SH3TC1: variants seen among roughly 807,000 people sequenced by gnomAD.
SH3TC1 encodes SH3 domain and tetratricopeptide repeats 1.
Under a neutral mutation model 117.3 loss-of-function variants are expected in SH3TC1, and 135 were observed. The ratio of observed to expected loss-of-function variants is 1.15; its 90% CI spans 1.00 to 1.33. The LOEUF is 1.33. Among genes scored for constraint, SH3TC1 ranks in the 40% most tolerant of loss-of-function variants. SH3TC1 has a pLI of 0.00. For missense variants in SH3TC1, 2,092 were observed against 1,794.3 expected, an observed-to-expected ratio of 1.17 and a Z score of -3.00; for synonymous variants, 898 against 816.9, an observed-to-expected ratio of 1.10 and a Z score of -1.69.
chr4:8,237,950 G>T (rs565827602), intron 17 of SH3TC1, among the ~76,000 whole-genome samples: 1 of 152,152 alleles, frequency 6.6e-6, no homozygotes, highest in African/African-American at 2.4e-5. Flanking sequence ...AGTCAGGGGG[G>T]CCCTCCTGGA....
At chr4:8,193,204 G>A (rs7692968) in intron 1 of SH3TC1, among the ~76,000 whole-genome samples, 1,575 of 152,290 alleles carry the variant, frequency 0.01, 18 homozygotes, top group African/African-American at 0.036. Context: ...AGGCTCCTGC[G>A]CGCCTGTTTC....
At chr4:8,215,144 T>G in intron 5 of SH3TC1, 1 of 456,304 alleles carries the variant, frequency 2.2e-6, no homozygotes, top group South Asian at 1.5e-5. Context: ...GCCTTCACAC[T>G]CTGCCCTCTG....
At chr4:8,204,224 G>C (rs1434035777) in intron 1 of SH3TC1, among the ~76,000 whole-genome samples, 1 of 152,212 alleles carries the variant, frequency 6.6e-6, no homozygotes, top group Non-Finnish European at 1.5e-5. Context: ...TCCACGCACC[G>C]GAAAGTCTGT....
rs746713848 is a variant in SH3TC1 at position 8,227,794 on chromosome 4, C to T, written c.2100C>T (p.Ala700=). The T allele has an allele frequency of 1.2e-6, 2 of 1,612,766 alleles. No homozygotes were observed. Among genetic ancestry groups the T allele is most frequent in the Non-Finnish European group, 1.7e-6 (2 of 1,179,968 alleles). ...TGCTTTTGCACAGGGACTCGGGAGC[C>T]CCAGAGGCCGCGTGGCTCTCAGACT... ...RLLLLHRDSG[A]PEAAWLSDCY... Residue 700 remains alanine (A), a synonymous_variant, in exon 12 of 18, where the codon GCC becomes GCT. Transcript: ENST00000245105.
rs1380681966 is a variant in SH3TC1 at position 8,235,536 on chromosome 4, A to G, written c.3386A>G (p.Lys1129Arg). 1 of 1,603,050 alleles carries G rather than the reference A, an allele frequency of 6.2e-7. No individual in the cohort carries two copies. Among genetic ancestry groups the G allele is most frequent in the Non-Finnish European group, 8.5e-7 (1 of 1,174,264 alleles). The part of the protein sequence containing the change: ...IFFDGAWERE[K>R]AVSFYRDRAL... ...TTCGACGGGGCCTGGGAGCGGGAGA[A>G]AGCTGTGTCCTTCTACCGGGTGAGC... The change falls in exon 15 of 18, where the codon AAA becomes AGA. Residue 1129 changes from lysine (K) to arginine (R), a missense_variant. Transcript: ENST00000245105.
In SH3TC1 at chr4:8,209,885, C is replaced by T. The variant is rs985863564; in HGVS notation, c.247+63C>T. Reference sequence around the variant, plus strand: ...AATCCGGGCTGTGCCGCTCCCTGGGCATCCAAGAGTCCAACCCAGGGCTTC... The same window carrying T: ...AATCCGGGCTGTGCCGCTCCCTGGGTATCCAAGAGTCCAACCCAGGGCTTC... On this transcript the variant is annotated intron_variant, in intron 3 of 17. Coordinates refer to ENST00000245105, the MANE Select transcript of SH3TC1 (RefSeq NM_018986.5). The surrounding 1 kb of genome is among the most constrained non-coding windows in gnomAD (Gnocchi z 5.9). 4 of 1,524,570 alleles carry T rather than the reference C, an allele frequency of 2.6e-6. No individual in the cohort carries two copies. The highest frequency in any genetic ancestry group is 3.6e-6 in the Non-Finnish European group (4 of 1,113,624). 94.4% of individuals were successfully genotyped at this position (1,524,570 alleles called of 1,614,324 possible).
intron 3 of SH3TC1, among the ~76,000 whole-genome samples, chr4:8,212,090 TAGG>T (rs1372225193): frequency 6.6e-6 from 1 of 151,282 alleles, no homozygotes; most frequent in Non-Finnish European, 1.5e-5. Context: ...GGTGTGTGAG[TAGG>T]AGGTGTCATT....
chr4:8,217,105 C>T lies in SH3TC1; in HGVS notation c.777C>T (p.Pro259=). 1 of 1,613,760 alleles carries T rather than the reference C, an allele frequency of 6.2e-7. No individual in the cohort carries two copies. Among genetic ancestry groups the T allele is most frequent in the South Asian group, 1.1e-5 (1 of 91,068 alleles). ...APETDSSPPS[P]SVSSEEVAVA... is the part of the protein sequence containing the mutation. ...AAACAGACTCTTCACCGCCGAGCCC[C>T]AGCGTGTCCTCCGAGGAGGTGGCAG... Residue 259 remains proline, a synonymous_variant, in exon 7 of 18, where the codon CCC becomes CCT. Coordinates refer to ENST00000245105, the MANE Select transcript of SH3TC1 (RefSeq NM_018986.5).
intron 1 of SH3TC1, among the ~76,000 whole-genome samples, chr4:8,202,381 G>A (rs368175100): frequency 6.6e-6 from 1 of 152,226 alleles, no homozygotes; most frequent in Non-Finnish European, 1.5e-5. Flanking sequence ...TTCTGCGTCC[G>A]CAGTTCCACT....
intron 1 of SH3TC1, among the ~76,000 whole-genome samples, chr4:8,188,473 G>A (rs373291633): frequency 1.1e-4 from 17 of 152,350 alleles, no homozygotes; most frequent in Admixed American, 7.2e-4. Flanking sequence ...GGGCAGGGCC[G>A]TAAAGCAGCT....
intron 17 of SH3TC1, among the ~76,000 whole-genome samples, chr4:8,239,771 G>A (rs941797249): frequency 2.6e-5 from 4 of 152,216 alleles, no homozygotes; most frequent in Admixed American, 1.3e-4. Flanking sequence ...GCTTGCCTCT[G>A]CCACAGCCCT....
intron 15 of SH3TC1, 54 bp from the exon 16 acceptor site, chr4:8,236,224 C>G: frequency 6.7e-7 from 1 of 1,496,178 alleles, no homozygotes; most frequent in East Asian, 2.6e-5. Context: ...CTGAGGAGGG[C>G]GCTGGGCAAG....
chr4:8,234,502 T>C (rs1470730368), intron 14 of SH3TC1, among the ~76,000 whole-genome samples: 3 of 150,274 alleles, frequency 2.0e-5, no homozygotes, highest in African/African-American at 7.4e-5. Flanking sequence ...CACCCATCCA[T>C]CCATTCATCT....
intron 17 of SH3TC1, among the ~76,000 whole-genome samples, chr4:8,239,505 C>A (rs1463455274): frequency 6.6e-6 from 1 of 150,728 alleles, no homozygotes; most frequent in African/African-American, 2.4e-5. Context: ...CACGCAAATG[C>A]ACCCAGGCAC....
chr4:8,186,852 G>A lies in SH3TC1; in HGVS notation c.-57+4642G>A, dbSNP rs1427165918. Among the ~76,000 whole-genome samples, 1 of 151,450 alleles carries A rather than the reference G, an allele frequency of 6.6e-6. No individual in the cohort carries two copies. The highest frequency in any genetic ancestry group is 1.5e-5 in the Non-Finnish European group (1 of 67,952). ...CCAGCTACTCGGGAGGCTGAGGTGG[G>A]AGAATCGCTTGAACCCAGAAGGTGG... On this transcript the variant is annotated intron_variant, in intron 1 of 16. Coordinates refer to the SH3TC1 transcript ENST00000508641. This position sits in a 1 kb window ranked among gnomAD's most constrained non-coding sequence, Gnocchi z 5.2.
At chr4:8,194,648 C>G (rs1294509559), upstream of SH3TC1, among the ~76,000 whole-genome samples, 1 of 152,212 alleles carries the variant, frequency 6.6e-6, no homozygotes, top group East Asian at 1.9e-4. Context: ...AACTCTAAGA[C>G]TATCCCCTCA....
intron 1 of SH3TC1, among the ~76,000 whole-genome samples, chr4:8,189,512 G>C (rs751405575): frequency 6.6e-6 from 1 of 152,354 alleles, no homozygotes; most frequent in East Asian, 1.9e-4. Context: ...GGCATTGGGG[G>C]TGTGGGACAG....
At position 8,209,387 on chromosome 4, in the gene SH3TC1, G is replaced by A. The variant is rs534746535; in HGVS notation, c.173-361G>A. 2.0e-5 allele frequency among the ~76,000 whole-genome samples: 3 copies of A among 152,292 alleles called. No homozygotes were observed. The highest frequency in any genetic ancestry group is 1.9e-4 in the East Asian group (1 of 5,180). On this transcript the variant is annotated intron_variant, in intron 2 of 17. Transcript: ENST00000245105. The surrounding 1 kb of genome is among the most constrained non-coding windows in gnomAD (Gnocchi z 5.9). ...CGGCCACAAGCCGAGGGACGTGTGC[G>A]GCCTCTTGAAGGCGAGGAGTGGATT...
At chr4:8,233,758 T>TCATC (rs60587951) in intron 14 of SH3TC1, among the ~76,000 whole-genome samples, 139,735 of 146,256 alleles carry the variant, frequency 0.96, 66,931 homozygotes, top group East Asian at 0.99. Context: ...CATCCATCCA[T>TCATC]CATCCATCCA....
Sources: allele counts gnomAD v4.1 joint callset (sites outside exome capture counted in the v4.1 genomes callset), GRCh38; gene constraint gnomAD v4.1.1; non-coding constraint Gnocchi (gnomAD v3.1); transcripts MANE v1.5; gene names NCBI Gene and HGNC (gene_info 2026-07-23, HGNC 2026-07-21).